Variants in ZFAND3 observed in about 807,000 individuals in gnomAD.
ZFAND3 encodes zinc finger AN1-type containing 3.
Under a neutral mutation model 29.6 loss-of-function variants are expected in ZFAND3, and 10 were observed. The ratio of observed to expected loss-of-function variants is 0.34; its 90% CI spans 0.21 to 0.57. The LOEUF is 0.57. Among genes scored for constraint, ZFAND3 ranks in the 20% least tolerant of loss-of-function variants. ZFAND3 has a pLI of 0.86. For missense variants in ZFAND3, 230 were observed against 304.5 expected, an observed-to-expected ratio of 0.76 and a Z score of 1.82; for synonymous variants, 128 against 112.6, an observed-to-expected ratio of 1.14 and a Z score of -0.87.
intron 2 of ZFAND3, among the ~76,000 whole-genome samples, chr6:37,986,822 TA>T (rs1441745433): frequency 6.6e-6 from 1 of 152,066 alleles, no homozygotes; most frequent in African/African-American, 2.4e-5. Flanking sequence ...GCCTAAGTAT[TA>T]AAAAGCAATT....
chr6:37,878,042 A>T (rs1043731699), intron 1 of ZFAND3, among the ~76,000 whole-genome samples: 1 of 152,212 alleles, frequency 6.6e-6, no homozygotes. Context: ...GGTTGGTGAC[A>T]GCAGTAGTTG....
chr6:38,045,235 A>G (rs200224329), intron 2 of ZFAND3, among the ~76,000 whole-genome samples: 1 of 150,106 alleles, frequency 6.7e-6, no homozygotes, highest in Non-Finnish European at 1.5e-5. Flanking sequence ...TTACAGGTGC[A>G]TGCCACTATG....
chr6:37,950,458 A>G (rs1581786368), intron 2 of ZFAND3, among the ~76,000 whole-genome samples: 1 of 150,774 alleles, frequency 6.6e-6, no homozygotes, highest in South Asian at 2.1e-4. Flanking sequence ...GCTCACTGCA[A>G]CCTCTGCCCC....
At chr6:37,891,238 A>T (rs1168444492) in intron 1 of ZFAND3, among the ~76,000 whole-genome samples, 1 of 152,214 alleles carries the variant, frequency 6.6e-6, no homozygotes, top group African/African-American at 2.4e-5. Context: ...AGCCTGCATC[A>T]TATCAGTGCT....
At chr6:37,923,127 T>C (rs898761602) in intron 1 of ZFAND3, among the ~76,000 whole-genome samples, 5 of 152,222 alleles carry the variant, frequency 3.3e-5, no homozygotes, top group African/African-American at 1.2e-4. Flanking sequence ...GTTTTCTTTA[T>C]TGATTGATTG....
chr6:37,820,714 C>G (rs987987700), intron 1 of ZFAND3, among the ~76,000 whole-genome samples: 1 of 152,180 alleles, frequency 6.6e-6, no homozygotes. Flanking sequence ...AATATGAGAT[C>G]CAGTTTCCTC....
intron 5 of ZFAND3, among the ~76,000 whole-genome samples, chr6:38,134,157 A>G (rs1307205209): frequency 6.6e-6 from 1 of 152,154 alleles, no homozygotes; most frequent in East Asian, 1.9e-4. Context: ...AACCGGGTCC[A>G]CAGCATGGTC....
At chr6:37,946,456 T>C (rs1014517459) in intron 2 of ZFAND3, among the ~76,000 whole-genome samples, 1 of 152,150 alleles carries the variant, frequency 6.6e-6, no homozygotes, top group Admixed American at 6.5e-5. Flanking sequence ...CTTAGAAAAG[T>C]AATTGGGTTT....
intron 1 of ZFAND3, among the ~76,000 whole-genome samples, chr6:37,855,002 A>T (rs1043200496): frequency 1.8e-4 from 14 of 78,192 alleles, no homozygotes; most frequent in Admixed American, 7.6e-4. Flanking sequence ...GGCATTTGGG[A>T]TCTTGCTGGA....
At chr6:38,008,058 C>G (rs1763081683) in intron 2 of ZFAND3, among the ~76,000 whole-genome samples, 1 of 152,162 alleles carries the variant, frequency 6.6e-6, no homozygotes, top group African/African-American at 2.4e-5. Context: ...CCAGGTGATT[C>G]ACATGCATAG....
intron 1 of ZFAND3, among the ~76,000 whole-genome samples, chr6:37,898,891 T>C (rs1462600424): frequency 3.9e-5 from 5 of 126,740 alleles, no homozygotes; most frequent in African/African-American, 1.6e-4. Flanking sequence ...GGTTTACATA[T>C]TCATTTCTTA....
At chr6:38,000,601 G>A (rs528924930) in intron 2 of ZFAND3, among the ~76,000 whole-genome samples, 2 of 152,204 alleles carry the variant, frequency 1.3e-5, no homozygotes, top group Admixed American at 1.3e-4. Context: ...ACTGTCAGGA[G>A]AACCGCCTGG....
At chr6:37,956,598 TG>T (rs1762089457) in intron 2 of ZFAND3, among the ~76,000 whole-genome samples, 1 of 152,216 alleles carries the variant, frequency 6.6e-6, no homozygotes, top group Non-Finnish European at 1.5e-5. Context: ...AAATGATTAT[TG>T]GATTTAATGA....
At chr6:37,936,536 C>T (rs1305794025) in intron 2 of ZFAND3, among the ~76,000 whole-genome samples, 1 of 152,136 alleles carries the variant, frequency 6.6e-6, no homozygotes, top group Non-Finnish European at 1.5e-5. Flanking sequence ...AAACCGTAGA[C>T]ATGGTATATT....
chr6:38,021,229 CATT>C (rs1336769464), intron 2 of ZFAND3, among the ~76,000 whole-genome samples: 2 of 152,274 alleles, frequency 1.3e-5, no homozygotes, highest in South Asian at 2.1e-4. Context: ...TTAGAGCAAA[CATT>C]ATCCCAGCTG....
chr6:37,966,170 C>G (rs1762289871), intron 2 of ZFAND3, among the ~76,000 whole-genome samples: 1 of 152,138 alleles, frequency 6.6e-6, no homozygotes, highest in Non-Finnish European at 1.5e-5. Flanking sequence ...CATTTTCCTT[C>G]TATGCAAAGA....
intron 2 of ZFAND3, among the ~76,000 whole-genome samples, chr6:37,936,194 A>G (rs1162131264): frequency 1.3e-5 from 2 of 152,196 alleles, no homozygotes; most frequent in Non-Finnish European, 2.9e-5. Flanking sequence ...ATCAAAGAGG[A>G]TGATCACAAG....
intron 2 of ZFAND3, among the ~76,000 whole-genome samples, chr6:37,989,728 T>C (rs1762728768): frequency 1.3e-5 from 2 of 152,204 alleles, no homozygotes; most frequent in Admixed American, 1.3e-4. Context: ...CAAGATGGGT[T>C]CAGGAACAGC....
At chr6:38,072,170 C>T (rs915111316) in intron 3 of ZFAND3, among the ~76,000 whole-genome samples, 3 of 151,998 alleles carry the variant, frequency 2.0e-5, no homozygotes, top group African/African-American at 7.2e-5. Flanking sequence ...CTGTCTCTGT[C>T]TCTGTCTTCA....
Sources: allele counts gnomAD v4.1 joint callset (sites outside exome capture counted in the v4.1 genomes callset), GRCh38; gene constraint gnomAD v4.1.1; transcripts MANE v1.5; gene names NCBI Gene and HGNC (gene_info 2026-07-23, HGNC 2026-07-21).